ZNF778: variants seen among roughly 807,000 people sequenced by gnomAD.
ZNF778 encodes the protein zinc finger protein 778.
Under a neutral mutation model 23.9 loss-of-function variants are expected in ZNF778, and 37 were observed. The ratio of observed to expected loss-of-function variants is 1.54; its 90% CI spans 1.19 to 2.03. The LOEUF (loss-of-function observed/expected upper bound fraction) is 2.03, where lower values mean the gene tolerates loss of function less well. Among genes scored for constraint, ZNF778 ranks in the 30% most tolerant of loss-of-function variants. The probability of loss-of-function intolerance (pLI) is 0.00; values close to 1 mark genes in which losing one functional copy is unlikely to be tolerated. For missense variants in ZNF778, 1,297 were observed against 934.4 expected, an observed-to-expected ratio of 1.39 and a Z score of -5.06; for synonymous variants, 483 against 343.9, an observed-to-expected ratio of 1.40 and a Z score of -4.48.
At position 89,223,141 on chromosome 16, in the gene ZNF778, A is replaced by T. The variant is rs371492438; in HGVS notation, c.118-16A>T. On this transcript the variant is annotated splice_polypyrimidine_tract_variant and intron_variant, in intron 3 of 6. Transcript: ENST00000433976. ...GACACGTTGGAAGGCTCCAACCGTC[A>T]TGTGTGATGATTTAGGACGCGGTGA... 1.2e-6 allele frequency: 2 copies of T among 1,610,864 alleles called. No homozygotes were observed.
Position 89,234,075 on chromosome 16 carries a change from C to T in ZNF778, c.*5513C>T, listed in dbSNP as rs756836931. 1.6e-6 allele frequency: 1 copy of T among 640,736 alleles called. No individual in the cohort carries two copies. The highest frequency in any genetic ancestry group is 1.5e-5 in the South Asian group (1 of 68,184). The allele number at this position is 640,736 out of a possible 1,614,324, so 39.7% of individuals were successfully genotyped here. A position where few individuals can be genotyped will look rare whatever the true frequency, so the allele number is the denominator to read the frequency against. ...GCCTCCTGCCCAGCTCTGCAGCTCC[C>T]CTTGGGCCCTGCCTGGAGTGATGTG... On this transcript the variant is annotated 3_prime_UTR_variant, in exon 7 of 7. Coordinates refer to ENST00000433976, the MANE Select transcript of ZNF778 (RefSeq NM_001201407.2).
Position 89,222,199 on chromosome 16 carries a change from A to T in ZNF778, c.117+16A>T, listed in dbSNP as rs1427497894. The T allele has an allele frequency of 2.5e-6, 4 of 1,581,404 alleles. No individual in the cohort carries two copies. The African/African-American group carries it at 5.4e-5, about 21-fold the overall frequency. ...TTGTTACCAGGTATGCCAAAACTGT[A>T]TTTTTTCTTAAAATAACATACTGGT... On this transcript the variant is annotated intron_variant, in intron 3 of 6. Coordinates refer to ENST00000433976, the MANE Select transcript of ZNF778 (RefSeq NM_001201407.2).
At chr16:89,220,599 A>G (rs985717439) in intron 1 of ZNF778, among the ~76,000 whole-genome samples, 1 of 152,222 alleles carries the variant, frequency 6.6e-6, no homozygotes, top group African/African-American at 2.4e-5. Flanking sequence ...CAGAGGTTGC[A>G]GTGAGCCGAG....
At position 89,228,860 on chromosome 16, in the gene ZNF778, T is replaced by G; in HGVS notation, c.*298T>G. 9.2e-7 allele frequency: 1 copy of G among 1,084,594 alleles called. No homozygotes were observed. Among genetic ancestry groups the G allele is most frequent in the Non-Finnish European group, 1.1e-6 (1 of 893,830 alleles). The allele number at this position is 1,084,594 out of a possible 1,614,324, so 67.2% of individuals were successfully genotyped here. ...AGTACTTTGATGATCCCTTGTGATC[T>G]CACAATGAAGAAAAACCTTAGGAGG... On this transcript the variant is annotated 3_prime_UTR_variant, in exon 7 of 7. Transcript: ENST00000433976.
Position 89,228,747 on chromosome 16 carries a change from C to T in ZNF778, c.*185C>T. 1 of 1,402,458 alleles carries T rather than the reference C, an allele frequency of 7.1e-7. No individual in the cohort carries two copies. The highest frequency in any genetic ancestry group is 1.7e-5 in the South Asian group (1 of 59,974). The allele number at this position is 1,402,458 out of a possible 1,614,324, so 86.9% of individuals were successfully genotyped here. A position where few individuals can be genotyped will look rare whatever the true frequency, so the allele number is the denominator to read the frequency against. On this transcript the variant is annotated 3_prime_UTR_variant, in exon 7 of 7. Transcript: ENST00000433976. ...AGACACAGAGAAAGCCCTCAGTGTT[C>T]TCTAAGGTCTTGCTGAATATGGATG...
chr16:89,227,168 GC>G lies in ZNF778; in HGVS notation c.882del (p.Tyr295ThrfsTer30), dbSNP rs1367084714. 6.2e-7 allele frequency: 1 copy of G among 1,613,822 alleles called. No homozygotes were observed. Among genetic ancestry groups the G allele is most frequent in the African/African-American group, 1.3e-5 (1 of 74,912 alleles). Reference protein sequence around the residue: ...RECGKAFRYTAYLTGRVQVHP... With the variant: ...RECGKAFRYTXYLTGRVQVHP... ...ATGTGGGAAGGCCTTTAGGTACACTGCCTACCTTACTGGTCGCGTGCAAGTC... is the reference window on the plus strand; with the variant it reads ...ATGTGGGAAGGCCTTTAGGTACACTGCTACCTTACTGGTCGCGTGCAAGTC... On this transcript the variant is annotated frameshift_variant, in exon 7 of 7. Transcript: ENST00000433976. LOFTEE classifies it low-confidence loss of function (END_TRUNC).
chr16:89,227,362 A>G lies in ZNF778; in HGVS notation c.1074A>G (p.Thr358=), dbSNP rs1184013201. ...GLSGLSKHVQ[T]DPGQKPYECK... is the part of the protein sequence containing the mutation. The stretch of plus-strand genomic sequence containing the variant: ...CAGGTCTTTCTAAACACGTCCAAAC[A>G]GACCCTGGACAGAAGCCCTATGAAT... Residue 358 remains threonine (T), a synonymous_variant, in exon 7 of 7, where the codon ACA becomes ACG. Transcript: ENST00000433976. 1.9e-6 allele frequency: 3 copies of G among 1,613,992 alleles called. No individual in the cohort carries two copies. Among genetic ancestry groups the G allele is most frequent in the South Asian group, 1.1e-5 (1 of 91,076 alleles).
Position 89,228,190 on chromosome 16 carries a change from G to C in ZNF778, c.1902G>C (p.Val634=). The change falls in exon 7 of 7, where the codon GTG becomes GTC. Residue 634 remains valine, a synonymous_variant. Coordinates refer to ENST00000433976, the MANE Select transcript of ZNF778 (RefSeq NM_001201407.2). ...KAFTTSSHLI[V]HIRTHTGEKP... The stretch of plus-strand genomic sequence containing the variant: ...TCACCACATCCTCACACCTTATCGT[G>C]CACATAAGAACCCACACCGGTGAGA... 1.2e-6 allele frequency: 2 copies of C among 1,613,296 alleles called. No individual in the cohort carries two copies. Among genetic ancestry groups the C allele is most frequent in the East Asian group, 4.5e-5 (2 of 44,808 alleles).
chr16:89,222,166 C>T lies in ZNF778; in HGVS notation c.100C>T (p.Leu34=). The T allele has an allele frequency of 2.5e-6, 4 of 1,605,294 alleles. No individual in the cohort carries two copies. The highest frequency in any genetic ancestry group is 3.4e-6 in the Non-Finnish European group (4 of 1,174,182). ...TQAAGMVAGW[L]INCYQDAVTF... ...GGCAGCAGGGATGGTGGCTGGCTGG[C>T]TGATAAATTGTTACCAGGTATGCCA... The change falls in exon 3 of 7, where the codon CTG becomes TTG. Residue 34 remains leucine (L), a synonymous_variant. Coordinates refer to ENST00000433976, the MANE Select transcript of ZNF778 (RefSeq NM_001201407.2).
At position 89,217,821 on chromosome 16, in the gene ZNF778, T is replaced by TTG. The variant is rs2030489206; in HGVS notation, c.-221_-220insTG. 1 of 152,238 alleles carries TTG rather than the reference T, an allele frequency of 6.6e-6. No homozygotes were observed. The highest frequency in any genetic ancestry group is 1.5e-5 in the Non-Finnish European group (1 of 68,074). The allele number at this position is 152,238 out of a possible 1,614,324, so 9.4% of individuals were successfully genotyped here. A position where few individuals can be genotyped will look rare whatever the true frequency, so the allele number is the denominator to read the frequency against. ...GGGAGTGGGCGCCCGCCCGCCTGCC[T>TTG]CGCGCCTTGCGCCCCCGGCACCGCT... On this transcript the variant is annotated 5_prime_UTR_variant, in exon 1 of 7. Transcript: ENST00000433976.
At position 89,230,205 on chromosome 16, in the gene ZNF778, G is replaced by C. The variant is rs1343115302; in HGVS notation, c.*1643G>C. ...CCTGATCCCTTCAGATAAAACACCAGGGTGCAAGGAGGGGCAGAGTGGAGA... is the reference window on the plus strand; with the variant it reads ...CCTGATCCCTTCAGATAAAACACCACGGTGCAAGGAGGGGCAGAGTGGAGA... On this transcript the variant is annotated 3_prime_UTR_variant, in exon 7 of 7. Transcript: ENST00000433976. 2 of 378,076 alleles carry C rather than the reference G, an allele frequency of 5.3e-6. No homozygotes were observed. The highest frequency in any genetic ancestry group is 4.4e-5 in the African/African-American group (2 of 45,350). 23.4% of individuals were successfully genotyped at this position (378,076 alleles called of 1,614,324 possible).
In ZNF778 at chr16:89,234,073, C is replaced by T; in HGVS notation, c.*5511C>T. On this transcript the variant is annotated 3_prime_UTR_variant, in exon 7 of 7. Transcript: ENST00000433976. ...CTGCCTCCTGCCCAGCTCTGCAGCT[C>T]CCCTTGGGCCCTGCCTGGAGTGATG... The T allele has an allele frequency of 1.6e-6, 1 of 644,100 alleles. No individual in the cohort carries two copies. The highest frequency in any genetic ancestry group is 2.5e-6 in the Non-Finnish European group (1 of 398,892). 39.9% of individuals were successfully genotyped at this position (644,100 alleles called of 1,614,324 possible).
Position 89,227,844 on chromosome 16 carries a change from G to T in ZNF778, c.1556G>T (p.Gly519Val). Residue 519 changes from glycine to valine, a missense_variant, in exon 7 of 7, where the codon GGC becomes GTC. Gly to Val is a moderately radical substitution (Grantham distance 109, BLOSUM62 -3). Transcript: ENST00000433976. ...QCGKAFTGRS[G>V]LTKHMRTHTG... ...GGCAAAGCCTTCACAGGGCGCTCAG[G>T]CCTCACTAAACACATGCGGACACAC... 1 of 1,613,906 alleles carries T rather than the reference G, an allele frequency of 6.2e-7. No homozygotes were observed. The highest frequency in any genetic ancestry group is 8.5e-7 in the Non-Finnish European group (1 of 1,179,958).
In ZNF778 at chr16:89,221,018, G is replaced by A. The variant is rs1161825293; in HGVS notation, c.-110G>A. 7.4e-6 allele frequency: 9 copies of A among 1,221,176 alleles called. No individual in the cohort carries two copies. In the East Asian group the frequency reaches 7.8e-5, roughly 11 times the overall value. The allele number at this position is 1,221,176 out of a possible 1,614,324, so 75.6% of individuals were successfully genotyped here. A position where few individuals can be genotyped will look rare whatever the true frequency, so the allele number is the denominator to read the frequency against. On this transcript the variant is annotated 5_prime_UTR_variant, in exon 2 of 7. The change creates a new upstream start codon in the 5' untranslated region. Coordinates refer to ENST00000433976, the MANE Select transcript of ZNF778 (RefSeq NM_001201407.2). The stretch of plus-strand genomic sequence containing the variant: ...CTAGGAAATAGGGATCCAGCCATCC[G>A]TGGGTCAGGAGGAATGGAGACTGTA...
At position 89,227,073 on chromosome 16, in the gene ZNF778, T is replaced by G. The variant is rs1341412643; in HGVS notation, c.785T>G (p.Leu262Arg). ...TWKWKPCGKALTHSMGCATPV... is the reference protein window; with the variant it reads ...TWKWKPCGKARTHSMGCATPV... ...AAATGGAAGCCGTGTGGGAAAGCTC[T>G]AACTCACTCCATGGGCTGCGCCACA... The change falls in exon 7 of 7, where the codon CTA becomes CGA. Residue 262 changes from leucine to arginine, a missense_variant. Physicochemically the swap from Leu to Arg is moderately radical, Grantham distance 102. Coordinates refer to ENST00000433976, the MANE Select transcript of ZNF778 (RefSeq NM_001201407.2). 1.9e-6 allele frequency: 3 copies of G among 1,614,012 alleles called. No homozygotes were observed. The highest frequency in any genetic ancestry group is 2.5e-6 in the Non-Finnish European group (3 of 1,179,884).
In ZNF778 at chr16:89,228,588, G is replaced by C. The variant is rs1174694255; in HGVS notation, c.*26G>C. ...TGTAAAGAATGTGGGGAAGCTGTCA[G>C]CTACACTCATTCACGTTGAAGACAT... is the stretch of plus-strand genomic sequence containing the variant. On this transcript the variant is annotated 3_prime_UTR_variant, in exon 7 of 7. Transcript: ENST00000433976. The C allele has an allele frequency of 1.3e-6, 2 of 1,543,132 alleles. No homozygotes were observed. Among genetic ancestry groups the C allele is most frequent in the African/African-American group, 2.8e-5 (2 of 72,334 alleles).
At position 89,236,473 on chromosome 16, in the gene ZNF778, T is replaced by G. The variant is rs1456267182; in HGVS notation, c.*7911T>G. 6.6e-6 allele frequency: 1 copy of G among 152,122 alleles called. No homozygotes were observed. Among genetic ancestry groups the G allele is most frequent in the Non-Finnish European group, 1.5e-5 (1 of 68,036 alleles). The allele number at this position is 152,122 out of a possible 1,614,324, so 9.4% of individuals were successfully genotyped here. On this transcript the variant is annotated 3_prime_UTR_variant, in exon 7 of 7. Transcript: ENST00000433976. ...ACAAAGAATTGCCTGCAGACCTGGT[T>G]TAAATAAATGGTTACAGAAAACTCT...
chr16:89,222,805 T>C (rs2031085670), intron 3 of ZNF778, among the ~76,000 whole-genome samples: 1 of 152,256 alleles, frequency 6.6e-6, no homozygotes, highest in African/African-American at 2.4e-5. Context: ...GTTTGTAGTG[T>C]GCTCAGGAGA....
rs755264757 is a variant in ZNF778 at position 89,231,420 on chromosome 16, T to C, written c.*2858T>C. 6.6e-6 allele frequency: 1 copy of C among 152,276 alleles called. No homozygotes were observed. The highest frequency in any genetic ancestry group is 2.4e-5 in the African/African-American group (1 of 41,444). The allele number at this position is 152,276 out of a possible 1,614,324, so 9.4% of individuals were successfully genotyped here. ...AGCCCAGACACCACCCTGCCTGATA[T>C]GCCCACTGTTGGTGGAGACATCACC... is the stretch of plus-strand genomic sequence containing the variant. On this transcript the variant is annotated 3_prime_UTR_variant, in exon 7 of 7. Coordinates refer to ENST00000433976, the MANE Select transcript of ZNF778 (RefSeq NM_001201407.2).
Sources: gnomAD v4.1 joint callset for allele counts (sites outside exome capture counted in the v4.1 genomes callset) on GRCh38, gnomAD v4.1.1 for gene constraint, MANE v1.5 for transcripts, NCBI Gene and HGNC (gene_info 2026-07-23, HGNC 2026-07-21) for gene names.